Variants in TIAM1 observed in about 807,000 individuals in gnomAD.
TIAM1 encodes TIAM Rac1 associated GEF 1, also known as rho guanine nucleotide exchange factor TIAM1.
Under a neutral mutation model 163.5 loss-of-function variants are expected in TIAM1, and 65 were observed. That is an observed-to-expected ratio of 0.40 (90% CI 0.33 to 0.49). The LOEUF is 0.49. TIAM1 is among the 20% of genes least tolerant of loss of function. The pLI is 0.77. For synonymous variants in TIAM1, 833 were observed against 810.1 expected, an observed-to-expected ratio of 1.03 and a Z score of -0.48; for missense variants, 1,789 against 2,044.7, an observed-to-expected ratio of 0.87 and a Z score of 2.41.
chr21:31,187,343 T>G (rs2085350778), intron 13 of TIAM1, among the ~76,000 whole-genome samples: 1 of 152,226 alleles, frequency 6.6e-6, no homozygotes, highest in Non-Finnish European at 1.5e-5. Context: ...AGCAAATTAT[T>G]TTGTTTAATC....
intron 2 of TIAM1, among the ~76,000 whole-genome samples, chr21:31,378,891 A>G (rs2076731954): frequency 6.6e-6 from 1 of 152,240 alleles, no homozygotes; most frequent in Admixed American, 6.5e-5. Flanking sequence ...ATTAGGTATT[A>G]TAAGTAATCT....
At chr21:31,281,298 T>A (rs909978065) in intron 2 of TIAM1, among the ~76,000 whole-genome samples, 4 of 152,080 alleles carry the variant, frequency 2.6e-5, no homozygotes, top group Non-Finnish European at 5.9e-5. Flanking sequence ...CTGAAAACCA[T>A]CAGAAAAAAT....
Position 31,397,578 on chromosome 21 carries a change from G to A in TIAM1, c.-368-58156C>T, listed in dbSNP as rs187756114. Among the ~76,000 whole-genome samples, 575 of 152,194 alleles carry A rather than the reference G, an allele frequency of 3.8e-3. 6 individuals carry two copies. Among genetic ancestry groups the A allele is most frequent in the African/African-American group, 0.013 (540 of 41,510 alleles). On this transcript the variant is annotated intron_variant, in intron 2 of 28. Transcript: ENST00000286827. ...GGTTTAAGTTGCCCAATATCCCCGC[G>A]CCAGAAATGAGATAACAGGACAAAG... is the stretch of plus-strand genomic sequence containing the variant.
intron 11 of TIAM1, among the ~76,000 whole-genome samples, chr21:31,205,879 G>C (rs1165134598): frequency 4.6e-5 from 7 of 152,044 alleles, no homozygotes; most frequent in Admixed American, 3.3e-4. Flanking sequence ...GAGGCGGGAG[G>C]ATTGCTTGAG....
At chr21:31,210,746 GGGAGAAAGAAAGAA>G (rs1569034195) in intron 10 of TIAM1, among the ~76,000 whole-genome samples, 65 of 82,226 alleles carry the variant, frequency 7.9e-4, no homozygotes, top group East Asian at 2.5e-3. Flanking sequence ...AAGGAAGGAA[GGGAGAAAGAAAGAA>G]AGAAAGAAAG....
At chr21:31,558,247 C>A (rs2048959969) in intron 1 of TIAM1, among the ~76,000 whole-genome samples, 1 of 152,114 alleles carries the variant, frequency 6.6e-6, no homozygotes, top group Non-Finnish European at 1.5e-5. Flanking sequence ...GCGCGGGGAC[C>A]CAGGGCACAG....
intron 2 of TIAM1, among the ~76,000 whole-genome samples, chr21:31,362,449 A>G (rs2076423066): frequency 2.1e-5 from 2 of 97,552 alleles, no homozygotes; most frequent in African/African-American, 8.5e-5. Flanking sequence ...AGTGACAATT[A>G]TTATTATTAT....
rs551512147 is a variant in TIAM1 at position 31,323,012 on chromosome 21, G to A, written c.-189+16231C>T. Among the ~76,000 whole-genome samples, 336 of 152,076 alleles carry A rather than the reference G, an allele frequency of 2.2e-3. 1 individual carries two copies. The highest frequency in any genetic ancestry group is 3.2e-3 in the Non-Finnish European group (218 of 67,962). On this transcript the variant is annotated intron_variant, in intron 2 of 27. Transcript: ENST00000541036. ...CCAAAGTAAAGAAAGATGAGAGGCC[G>A]GGCGCAGTGGCTCACGCCTGTAATC...
intron 1 of TIAM1, among the ~76,000 whole-genome samples, chr21:31,529,261 G>A (rs2047898420): frequency 2.0e-5 from 3 of 152,082 alleles, no homozygotes; most frequent in Middle Eastern, 3.4e-3. Context: ...TGAGTCCAAT[G>A]GGGAAAGGTG....
chr21:31,430,548 G>A (rs912466345), intron 2 of TIAM1, among the ~76,000 whole-genome samples: 2 of 150,234 alleles, frequency 1.3e-5, no homozygotes, highest in Admixed American at 6.6e-5. Flanking sequence ...AGACAAAGGG[G>A]GAAAAAAGAT....
chr21:31,187,034 TA>T lies in TIAM1; in HGVS notation c.2628del (p.Asn876LysfsTer3). Reference protein sequence around the residue: ...EEDGIRRLYVNSVKETGLASK... With the variant: ...EEDGIRRLYVXSVKETGLASK... The stretch of plus-strand genomic sequence containing the variant: ...GAAGCTAAACCGGTTTCCTTCACAC[TA>T]TTCACGTACAGCCTTCGAATACCAT... On this transcript the variant is annotated frameshift_variant, in exon 14 of 28. Coordinates refer to ENST00000541036, the MANE Select transcript of TIAM1 (RefSeq NM_001353694.2). LOFTEE classifies it high-confidence loss of function. 6.2e-7 allele frequency: 1 copy of T among 1,614,140 alleles called. No individual in the cohort carries two copies. Among genetic ancestry groups the T allele is most frequent in the Non-Finnish European group, 8.5e-7 (1 of 1,179,998 alleles).
intron 1 of TIAM1, among the ~76,000 whole-genome samples, chr21:31,489,735 T>C (rs1475295358): frequency 1.3e-5 from 2 of 152,022 alleles, no homozygotes; most frequent in Admixed American, 1.3e-4. Context: ...TGAGACAGCA[T>C]GTCAGCTCCT....
chr21:31,133,095 C>CCT (rs2082481450), intron 23 of TIAM1, among the ~76,000 whole-genome samples: 1 of 152,186 alleles, frequency 6.6e-6, no homozygotes, highest in African/African-American at 2.4e-5. Flanking sequence ...TAACCATGAT[C>CCT]CTTCCTTCAC....
Position 31,341,116 on chromosome 21 carries a change from A to G in TIAM1, c.-368-1694T>C, listed in dbSNP as rs115738564. ...AAAGGGTAGGAGGCAGAAAATACTA[A>G]TCGTTACACTGAAAACACTAAGTGT... On this transcript the variant is annotated intron_variant, in intron 1 of 27. Transcript: ENST00000541036. 4.9e-3 allele frequency among the ~76,000 whole-genome samples: 746 copies of G among 152,278 alleles called. 6 individuals are homozygous for G. Among genetic ancestry groups the G allele is most frequent in the African/African-American group, 0.017 (698 of 41,552 alleles).
At chr21:31,318,446 A>T (rs1479849246) in intron 2 of TIAM1, among the ~76,000 whole-genome samples, 1 of 152,202 alleles carries the variant, frequency 6.6e-6, no homozygotes, top group Non-Finnish European at 1.5e-5. Context: ...TTCCAAAATA[A>T]CAAATATCAA....
rs571775969 is a variant in TIAM1 at position 31,509,758 on chromosome 21, C to T, written c.-421-45723G>A. Among the ~76,000 whole-genome samples the T allele has an allele frequency of 5.3e-5, 8 of 152,250 alleles. No individual in the cohort carries two copies. The East Asian group carries it at 7.7e-4, about 15-fold the overall frequency. On this transcript the variant is annotated intron_variant, in intron 1 of 28. Coordinates refer to the TIAM1 transcript ENST00000286827. ...AGAGGCCCTTCCCTTGCAACAAAGA[C>T]GGGGCTGCATGTTTCTCTCTCAGGG...
chr21:31,442,831 C>T (rs2044485210), intron 2 of TIAM1, among the ~76,000 whole-genome samples: 1 of 152,152 alleles, frequency 6.6e-6, no homozygotes, highest in African/African-American at 2.4e-5. Context: ...CTGTATTTAA[C>T]AAGCTCATTA....
chr21:31,309,223 T>C (rs1052801326), intron 2 of TIAM1, among the ~76,000 whole-genome samples: 2 of 152,178 alleles, frequency 1.3e-5, no homozygotes, highest in Admixed American at 6.5e-5. Flanking sequence ...TTTGGGAGGC[T>C]GAGGTGGACA....
At chr21:31,453,897 C>A (rs1010942736) in intron 2 of TIAM1, among the ~76,000 whole-genome samples, 1 of 152,172 alleles carries the variant, frequency 6.6e-6, no homozygotes, top group Admixed American at 6.5e-5. Flanking sequence ...CTTGCTCAGC[C>A]TGGTCCAGGC....
Sources: allele counts gnomAD v4.1 joint callset (sites outside exome capture counted in the v4.1 genomes callset), GRCh38; gene constraint gnomAD v4.1.1; transcripts MANE v1.5; gene names NCBI Gene and HGNC (gene_info 2026-07-23, HGNC 2026-07-21).